IFT56: variants seen among roughly 807,000 people sequenced by gnomAD.
The protein encoded by IFT56 is intraflagellar transport protein 56.
the IFT56 span, chr7:139,173,201 G>T: frequency 2.0e-6 from 1 of 505,748 alleles, no homozygotes; most frequent in South Asian, 3.1e-5. Flanking sequence ...TCCTTAATTG[G>T]AAAAAAAACT....
At chr7:139,173,928 A>G in the IFT56 span, 5 of 699,256 alleles carry the variant, frequency 7.2e-6, no homozygotes, top group Admixed American at 3.9e-5. Context: ...CTTTTCTTCA[A>G]TATCACTTTC....
the IFT56 span, among the ~76,000 whole-genome samples, chr7:139,141,558 G>A: frequency 0.14 from 20,728 of 152,158 alleles, 2,747 homozygotes; most frequent in African/African-American, 0.3. Context: ...GCTAAGAACA[G>A]TGTTAGACAC....
At chr7:139,139,867 T>A in the IFT56 span, 5 of 1,524,258 alleles carry the variant, frequency 3.3e-6, no homozygotes, top group Non-Finnish European at 4.5e-6. Context: ...CAAAATGAGA[T>A]CACTGCTTAC....
At chr7:139,165,286 T>A in the IFT56 span, 1 of 1,218,202 alleles carries the variant, frequency 8.2e-7, no homozygotes, top group Non-Finnish European at 1.2e-6. Flanking sequence ...TTAGAATAGT[T>A]AAATATGTCT....
the IFT56 span, chr7:139,181,226 A>G: frequency 2.0e-6 from 3 of 1,520,922 alleles, no homozygotes; most frequent in Non-Finnish European, 2.7e-6. Flanking sequence ...TAAAGGGAAC[A>G]TTAAAGATTC....
the IFT56 span, chr7:139,161,155 T>A: frequency 7.3e-6 from 5 of 684,650 alleles, no homozygotes; most frequent in East Asian, 2.8e-5. Context: ...CTCCTCACTG[T>A]GGAGGAGATA....
At chr7:139,187,370 T>C in the IFT56 span, 1 of 1,607,490 alleles carries the variant, frequency 6.2e-7, no homozygotes, top group East Asian at 2.2e-5. Context: ...GCAATCTCTT[T>C]ACTGCAAGTA....
chr7:139,166,710 T>C, the IFT56 span: 1 of 525,850 alleles, frequency 1.9e-6, no homozygotes. Flanking sequence ...CATGGAGAGT[T>C]AGAAGACAGA....
the IFT56 span, among the ~76,000 whole-genome samples, chr7:139,181,522 G>A: frequency 6.6e-6 from 1 of 152,184 alleles, no homozygotes; most frequent in Non-Finnish European, 1.5e-5. Flanking sequence ...AATGTCTTCT[G>A]ACATCTGGAG....
the IFT56 span, among the ~76,000 whole-genome samples, chr7:139,184,064 A>G: frequency 6.6e-6 from 1 of 152,096 alleles, no homozygotes; most frequent in African/African-American, 2.4e-5. Context: ...AAGAAAACCT[A>G]CGTGCTCCCT....
At chr7:139,136,528 C>T in the IFT56 span, among the ~76,000 whole-genome samples, 2 of 152,132 alleles carry the variant, frequency 1.3e-5, no homozygotes, top group Non-Finnish European at 2.9e-5. Context: ...TGGCTCACTG[C>T]AGCCTCAACC....
chr7:139,178,581 A>G, the IFT56 span: 5 of 1,614,194 alleles, frequency 3.1e-6, no homozygotes, highest in Admixed American at 6.7e-5. Flanking sequence ...AACAGGCAAT[A>G]CCAGTGAGGG....
At chr7:139,185,591 TG>T in the IFT56 span, among the ~76,000 whole-genome samples, 7 of 152,048 alleles carry the variant, frequency 4.6e-5, no homozygotes, top group African/African-American at 1.7e-4. Flanking sequence ...TCAATTATAT[TG>T]TTTAAAGATG....
the IFT56 span, chr7:139,181,274 A>G: frequency 1.8e-6 from 2 of 1,130,532 alleles, no homozygotes; most frequent in Admixed American, 2.0e-5. Context: ...ATTAGGGGAA[A>G]ATGTCCTGCA....
chr7:139,181,249 C>A, the IFT56 span: 2 of 1,356,106 alleles, frequency 1.5e-6, no homozygotes, highest in Non-Finnish European at 2.1e-6. Context: ...TATCACATTG[C>A]TGCATTGGCT....
chr7:139,181,236 C>T, the IFT56 span: 1 of 1,449,508 alleles, frequency 6.9e-7, no homozygotes, highest in East Asian at 2.3e-5. Context: ...ATTAAAGATT[C>T]ATTATCACAT....
chr7:139,144,996 A>C, the IFT56 span, among the ~76,000 whole-genome samples: 3 of 152,152 alleles, frequency 2.0e-5, no homozygotes, highest in Non-Finnish European at 2.9e-5. Flanking sequence ...TTGTATATTA[A>C]AATATAGAGA....
chr7:139,187,254 G>A, the IFT56 span: 1 of 864,252 alleles, frequency 1.2e-6, no homozygotes, highest in African/African-American at 1.7e-5. Context: ...GTTTTAATTG[G>A]GAATTGAAGT....
chr7:139,174,727 G>C, the IFT56 span, among the ~76,000 whole-genome samples: 2 of 152,172 alleles, frequency 1.3e-5, no homozygotes, highest in Non-Finnish European at 2.9e-5. Flanking sequence ...TTCTTAAAAG[G>C]AGACATACAA....
Sources: allele counts gnomAD v4.1 joint callset (sites outside exome capture counted in the v4.1 genomes callset), GRCh38; gene constraint gnomAD v4.1.1; transcripts MANE v1.5; gene names NCBI Gene and HGNC (gene_info 2026-07-23, HGNC 2026-07-21).